Variants in HSPD1 observed in about 807,000 individuals in gnomAD.
HSPD1 encodes the protein 60 kDa heat shock protein, mitochondrial.
In HSPD1, 3 loss-of-function variants were observed where a neutral mutation model predicts 53.0. The observed-to-expected ratio is 0.06, with a 90% CI of 0.03 to 0.15. HSPD1 has a LOEUF of 0.15. Among genes scored for constraint, HSPD1 ranks in the 10% least tolerant of loss-of-function variants. The pLI, the probability that HSPD1 is intolerant of heterozygous loss-of-function variation, is 1.00. For missense variants in HSPD1, 431 were observed against 694.1 expected (o/e 0.62, Z 4.26); for synonymous variants, 200 against 228.0 (o/e 0.88, Z 1.10).
In HSPD1 at chr2:197,497,158, G is replaced by A. The variant is rs1234211053; in HGVS notation, c.409C>T (p.Pro137Ser). Reference sequence around the variant, plus strand: ...TTCCTACCTCTCCTGATTTCCACTGGATTAGCACCTTTGCTAATCTTCTCG... The same window carrying A: ...TTCCTACCTCTCCTGATTTCCACTGAATTAGCACCTTTGCTAATCTTCTCG... ...GFEKISKGAN[P>S]VEIRRGVMLA... The change falls in exon 3 of 12, where the codon CCA (proline) becomes TCA (serine). Residue 137 changes from proline (P) to serine (S), a missense_variant. Physicochemically the swap from Pro to Ser is moderately conservative, Grantham distance 74. This residue lies in a region of HSPD1 where 386 missense variants were observed against 657.6 expected (regional missense o/e 0.59). Coordinates refer to ENST00000388968, the MANE Select transcript of HSPD1 (RefSeq NM_002156.5). 2 of 1,614,098 alleles carry A rather than the reference G, an allele frequency of 1.2e-6. No individual in the cohort carries two copies. Among genetic ancestry groups the A allele is most frequent in the Non-Finnish European group, 1.7e-6 (2 of 1,179,984 alleles).
chr2:197,499,971 C>T (rs1363397515), upstream of HSPD1: 6 of 161,088 alleles, frequency 3.7e-5, no homozygotes, highest in South Asian at 3.0e-4. Context: ...ATCTGCACAC[C>T]CTGCGCGCGA....
chr2:197,493,792 T>C (rs1195944459), intron 6 of HSPD1, among the ~76,000 whole-genome samples: 1 of 151,938 alleles, frequency 6.6e-6, no homozygotes, highest in African/African-American at 2.4e-5. Context: ...TGGCTAAACC[T>C]TGTCTCTATT....
rs1046485885 is a variant in HSPD1 at position 197,494,052 on chromosome 2, C to T, written c.700+105G>A. ...GGAAGGCGGAGGTTGCAGTGAGCAA[C>T]GCGCCACCACATCATGCCACTGCAC... is the stretch of plus-strand genomic sequence containing the variant. On this transcript the variant is annotated intron_variant, in intron 6 of 11. Coordinates refer to ENST00000388968, the MANE Select transcript of HSPD1 (RefSeq NM_002156.5). 8.6e-5 allele frequency: 56 copies of T among 654,228 alleles called. 1 individual carries two copies. The highest frequency in any genetic ancestry group is 4.8e-4 in the East Asian group (17 of 35,160). The allele number at this position is 654,228 out of a possible 1,614,324, so 40.5% of individuals were successfully genotyped here.
At chr2:197,492,812 C>A (rs537229936) in intron 7 of HSPD1, among the ~76,000 whole-genome samples, 2 of 151,662 alleles carry the variant, frequency 1.3e-5, no homozygotes, top group African/African-American at 4.8e-5. Flanking sequence ...GAGTTTGAGA[C>A]CAGCCTGGCC....
chr2:197,494,498 A>G (rs1310833780), intron 5 of HSPD1, 159 bp downstream of exon 5: 2 of 646,724 alleles, frequency 3.1e-6, no homozygotes, highest in African/African-American at 1.8e-5. Flanking sequence ...TAAGTACTTT[A>G]TTCTATACAT....
At position 197,486,814 on chromosome 2, in the gene HSPD1, A is replaced by C; in HGVS notation, c.*232T>G. 1.9e-6 allele frequency: 1 copy of C among 518,744 alleles called. No homozygotes were observed. The highest frequency in any genetic ancestry group is 2.1e-5 in the South Asian group (1 of 48,008). 32.1% of individuals were successfully genotyped at this position (518,744 alleles called of 1,614,324 possible). On this transcript the variant is annotated 3_prime_UTR_variant, in exon 12 of 12. Transcript: ENST00000388968. Reference sequence around the variant, plus strand: ...CTTGTACCCAGTATCAGGAATGTACAAATGTTTTTTATTCAAAAATACAAA... The same window carrying C: ...CTTGTACCCAGTATCAGGAATGTACCAATGTTTTTTATTCAAAAATACAAA...
intron 9 of HSPD1, 103 bp downstream of exon 9, chr2:197,488,899 C>T: frequency 1.6e-6 from 2 of 1,228,230 alleles, no homozygotes; most frequent in East Asian, 2.3e-5. Flanking sequence ...GTTAATTCCT[C>T]AAGTATTCGT....
Position 197,490,236 on chromosome 2 carries a change from C to G in HSPD1, c.930G>C (p.Lys310Asn). The G allele has an allele frequency of 6.2e-7, 1 of 1,613,972 alleles. No homozygotes were observed. Reference protein sequence around the residue: ...VKAPGFGDNRKNQLKDMAIAT... With the variant: ...VKAPGFGDNRNNQLKDMAIAT... ...CAATAGCCATATCTTTAAGCTGGTT[C>G]TTTCTATTGTCACCAAACCCTGGAG... The change falls in exon 8 of 12, where the codon AAG becomes AAC. Residue 310 changes from lysine (K) to asparagine (N), a missense_variant. By Grantham distance (94) the Lys-to-Asn change is moderately conservative. Around this residue, in one of 2 missense-constraint regions of HSPD1, gnomAD observed 386 missense variants for 657.6 expected, o/e 0.59. Coordinates refer to ENST00000388968, the MANE Select transcript of HSPD1 (RefSeq NM_002156.5).
In HSPD1 at chr2:197,487,902, C is replaced by A. The variant is rs566680042; in HGVS notation, c.1525G>T (p.Asp509Tyr). ...SEVGYDAMAG[D>Y]FVNMVEKGII... ...CCTTTTTCCACCATATTCACAAAAT[C>A]TCCAGCCATAGCATCATAACCAACT... Residue 509 changes from aspartate (D) to tyrosine (Y), a missense_variant, in exon 11 of 12, where the codon GAT (aspartate) becomes TAT (tyrosine). This residue lies in a region of HSPD1 where 386 missense variants were observed against 657.6 expected (regional missense o/e 0.59). Coordinates refer to ENST00000388968, the MANE Select transcript of HSPD1 (RefSeq NM_002156.5). The A allele has an allele frequency of 6.2e-7, 1 of 1,613,852 alleles. No individual in the cohort carries two copies. The highest frequency in any genetic ancestry group is 1.1e-5 in the South Asian group (1 of 91,070).
At chr2:197,491,341 T>C (rs2564384) in intron 7 of HSPD1, among the ~76,000 whole-genome samples, 66,136 of 151,604 alleles carry the variant, frequency 0.44, 14,815 homozygotes, top group South Asian at 0.56. Context: ...TTTGTATTTT[T>C]AGTAGAGACG....
intron 10 of HSPD1, 36 bp downstream of exon 10, chr2:197,488,281 T>C (rs1248891099): frequency 2.5e-6 from 4 of 1,594,566 alleles, no homozygotes; most frequent in Non-Finnish European, 3.4e-6. Context: ...AAAACTAAAA[T>C]CAGGCCACAA....
In HSPD1 at chr2:197,487,080, C is replaced by CCACCCATTG. The variant is rs1347832996; in HGVS notation, c.1679_1687dup (p.Ala560_Gly562dup). The CCACCCATTG allele has an allele frequency of 6.5e-7, 1 of 1,527,286 alleles. No individual in the cohort carries two copies. The highest frequency in any genetic ancestry group is 1.1e-5 in the South Asian group (1 of 89,400). The allele number at this position is 1,527,286 out of a possible 1,614,324, so 94.6% of individuals were successfully genotyped here. On this transcript the variant is annotated inframe_insertion, in exon 12 of 12. Coordinates refer to ENST00000388968, the MANE Select transcript of HSPD1 (RefSeq NM_002156.5). ...GCCACCTCCCATACCACCTCCCATT[C>CCACCCATTG]CACCCATTGCACCCATTCCAGGGTC... is the stretch of plus-strand genomic sequence containing the variant.
At chr2:197,492,473 A>G (rs1360324780) in intron 7 of HSPD1, among the ~76,000 whole-genome samples, 2 of 152,136 alleles carry the variant, frequency 1.3e-5, no homozygotes, top group African/African-American at 4.8e-5. Flanking sequence ...TATAGCTGTG[A>G]GCCACCATGC....
intron 1 of HSPD1, chr2:197,499,092 C>A (rs2086202026): frequency 3.5e-6 from 2 of 573,382 alleles, no homozygotes; most frequent in Non-Finnish European, 6.3e-6. Flanking sequence ...CATGCGGCTC[C>A]TTCCCCACGG....
intron 6 of HSPD1, among the ~76,000 whole-genome samples, 174 bp from the exon 7 acceptor site, chr2:197,493,666 G>A (rs1490620249): frequency 6.6e-6 from 1 of 152,172 alleles, no homozygotes; most frequent in African/African-American, 2.4e-5. Context: ...TTTAGAGGAT[G>A]ACACCAACTA....
chr2:197,497,800 C>T (rs17730989), intron 2 of HSPD1, among the ~76,000 whole-genome samples: 63,809 of 152,064 alleles, frequency 0.42, 13,971 homozygotes, highest in South Asian at 0.56. Context: ...AGGCAAGTAG[C>T]GTGCTCTTCC....
In HSPD1 at chr2:197,493,541, A is replaced by C. The variant is rs761799389; in HGVS notation, c.701-49T>G. The C allele has an allele frequency of 8.0e-6, 11 of 1,371,274 alleles. No homozygotes were observed. In the South Asian group the frequency reaches 1.2e-4, roughly 15 times the overall value. The allele number at this position is 1,371,274 out of a possible 1,614,324, so 84.9% of individuals were successfully genotyped here. On this transcript the variant is annotated intron_variant, in intron 6 of 11. Coordinates refer to ENST00000388968, the MANE Select transcript of HSPD1 (RefSeq NM_002156.5). Reference sequence around the variant, plus strand: ...AAAATATACAAAAAATGACTGCAATACATTTAAATGAAAAGCGAAACCAAG... The same window carrying C: ...AAAATATACAAAAAATGACTGCAATCCATTTAAATGAAAAGCGAAACCAAG...
chr2:197,495,456 C>T (rs1020165199), intron 3 of HSPD1, 80 bp from the exon 4 acceptor site: 1 of 997,318 alleles, frequency 1.0e-6, no homozygotes, highest in African/African-American at 1.6e-5. Context: ...AGATTTGTGA[C>T]AAATATTTTA....
chr2:197,499,102 G>A (rs2106081661), intron 1 of HSPD1: 1 of 559,376 alleles, frequency 1.8e-6, no homozygotes, highest in South Asian at 2.0e-5. Flanking sequence ...CTTCCCCACG[G>A]CCACCTATCC....
Sources: gnomAD v4.1 joint callset for allele counts (sites outside exome capture counted in the v4.1 genomes callset) on GRCh38, gnomAD v4.1.1 for gene constraint, gnomAD v4.1.1 regional missense constraint, MANE v1.5 for transcripts, NCBI Gene and HGNC (gene_info 2026-07-23, HGNC 2026-07-21) for gene names.